Variants in DROSHA observed in about 807,000 individuals in gnomAD.
DROSHA encodes the protein drosha ribonuclease III.
In DROSHA, 56 loss-of-function variants were observed where a neutral mutation model predicts 181.9. The observed-to-expected ratio is 0.31, with a 90% confidence interval of 0.25 to 0.38. The LOEUF is 0.38. DROSHA is among the 10% of genes least tolerant of loss of function. The pLI, the probability that DROSHA is intolerant of heterozygous loss-of-function variation, is 1.00. For missense variants in DROSHA, 1,218 were observed against 1,743.5 expected, an observed-to-expected ratio of 0.70 and a Z score of 5.37; for synonymous variants, 524 against 591.2, an observed-to-expected ratio of 0.89 and a Z score of 1.65.
At chr5:31,410,672 G>T (rs552385535) in intron 31 of DROSHA, 74 bp downstream of exon 31, 1 of 1,506,632 alleles carries the variant, frequency 6.6e-7, no homozygotes, top group African/African-American at 1.4e-5. Flanking sequence ...ATAATAATGA[G>T]GAGGAGGACA....
intron 16 of DROSHA, among the ~76,000 whole-genome samples, chr5:31,478,124 C>T (rs961064714): frequency 6.6e-6 from 1 of 152,024 alleles, no homozygotes; most frequent in African/African-American, 2.4e-5. Context: ...CTGAAAAATG[C>T]GGAAAGTTAC....
intron 29 of DROSHA, among the ~76,000 whole-genome samples, 194 bp downstream of exon 29, chr5:31,422,593 C>A (rs1409939911): frequency 6.6e-6 from 1 of 152,204 alleles, no homozygotes; most frequent in Non-Finnish European, 1.5e-5. Flanking sequence ...AGATGCATGA[C>A]AATGGAACCA....
At chr5:31,528,682 T>G (rs2150065583) in intron 4 of DROSHA, among the ~76,000 whole-genome samples, 1 of 152,360 alleles carries the variant, frequency 6.6e-6, no homozygotes, top group African/African-American at 2.4e-5. Context: ...CCACTGTCAC[T>G]GACCCTAGGG....
Position 31,464,280 on chromosome 5 carries a change from T to C in DROSHA, c.2530A>G (p.Ser844Gly). 1 of 1,613,526 alleles carries C rather than the reference T, an allele frequency of 6.2e-7. No individual in the cohort carries two copies. Among genetic ancestry groups the C allele is most frequent in the Non-Finnish European group, 8.5e-7 (1 of 1,179,676 alleles). Reference sequence around the variant, plus strand: ...ATGCCAGTTTTCCAGAATCCTTGGCTACTTAGCTCCACCGTTACTTCTCGT... The same window carrying C: ...ATGCCAGTTTTCCAGAATCCTTGGCCACTTAGCTCCACCGTTACTTCTCGT... ...MRREVTVELS[S>G]QGFWKTGIRS... Residue 844 changes from serine (S) to glycine (G), a missense_variant, in exon 20 of 36, where the codon AGC becomes GGC. By Grantham distance (56) the Ser-to-Gly change is moderately conservative. Transcript: ENST00000344624.
chr5:31,426,636 G>A (rs1743504633), intron 27 of DROSHA, among the ~76,000 whole-genome samples: 1 of 152,016 alleles, frequency 6.6e-6, no homozygotes, highest in East Asian at 1.9e-4. Flanking sequence ...CAAATAATAA[G>A]TCTTAAAGTA....
At chr5:31,515,710 G>A in intron 6 of DROSHA, 146 bp from the exon 7 acceptor site, 1 of 1,166,748 alleles carries the variant, frequency 8.6e-7, no homozygotes, top group Non-Finnish European at 1.2e-6. Context: ...GTCTCAATAT[G>A]GCCATAAATT....
At position 31,504,659 on chromosome 5, in the gene DROSHA, GT is replaced by G. The variant is rs1561266479; in HGVS notation, c.1588-25del. The G allele has an allele frequency of 2.5e-6, 4 of 1,612,634 alleles. No individual in the cohort carries two copies. The African/African-American group carries it at 5.3e-5, about 22-fold the overall frequency. On this transcript the variant is annotated intron_variant, in intron 10 of 35. Coordinates refer to ENST00000344624, the MANE Select transcript of DROSHA (RefSeq NM_001382508.1). ...ATCTGTCAGAAACACAATGTAATTC[GT>G]TTTTATTGGAGGGAAAAATCCACAC...
intron 20 of DROSHA, among the ~76,000 whole-genome samples, chr5:31,460,483 G>A (rs495601): frequency 0.7 from 105,770 of 151,908 alleles, 37,180 homozygotes; most frequent in African/African-American, 0.75. Flanking sequence ...CAGATTTAAC[G>A]CAATGGTTTC....
At chr5:31,435,279 T>TA (rs1744655442) in intron 25 of DROSHA, among the ~76,000 whole-genome samples, 2 of 152,206 alleles carry the variant, frequency 1.3e-5, no homozygotes, top group East Asian at 3.8e-4. Flanking sequence ...GCCTAAACCC[T>TA]AAATCTTAAT....
intron 30 of DROSHA, 116 bp downstream of exon 30, chr5:31,421,156 G>C: frequency 2.5e-6 from 2 of 792,444 alleles, no homozygotes; most frequent in Non-Finnish European, 4.1e-6. Flanking sequence ...CAAAGCCAAT[G>C]ATAAGCTAAA....
chr5:31,466,292 G>A lies in DROSHA; in HGVS notation c.2367-11C>T, dbSNP rs757330502. 4 of 1,612,546 alleles carry A rather than the reference G, an allele frequency of 2.5e-6. No homozygotes were observed. Among genetic ancestry groups the A allele is most frequent in the Middle Eastern group, 1.7e-4 (1 of 6,052 alleles). On this transcript the variant is annotated splice_polypyrimidine_tract_variant and intron_variant, in intron 18 of 35. Coordinates refer to ENST00000344624, the MANE Select transcript of DROSHA (RefSeq NM_001382508.1). The stretch of plus-strand genomic sequence containing the variant: ...CACAGTTTTTGGTACCTAAGGAAAA[G>A]GACAGGCAAACATCTCAGGTAAAGA...
intron 35 of DROSHA, among the ~76,000 whole-genome samples, chr5:31,404,773 G>A (rs1335476449): frequency 6.6e-6 from 1 of 151,912 alleles, no homozygotes; most frequent in Non-Finnish European, 1.5e-5. Context: ...GAACTAAAAA[G>A]CACCAATATA....
chr5:31,491,709 AT>A (rs869239207), intron 13 of DROSHA, among the ~76,000 whole-genome samples: 3 of 151,014 alleles, frequency 2.0e-5, no homozygotes. Flanking sequence ...AAAAAAAAAA[AT>A]GCAAAGAAAT....
intron 16 of DROSHA, among the ~76,000 whole-genome samples, chr5:31,476,279 C>T (rs1250035812): frequency 1.3e-5 from 2 of 152,124 alleles, no homozygotes; most frequent in Non-Finnish European, 2.9e-5. Flanking sequence ...GCAGGAGAAT[C>T]GCTTGAATCT....
chr5:31,434,872 A>G lies in DROSHA; in HGVS notation c.3042+893T>C, dbSNP rs1744597550. On this transcript the variant is annotated intron_variant, in intron 25 of 35. Transcript: ENST00000344624. ...TAAAAATGTAAGGATTTATCACAAGAACATGGGTAGCATCAATAAAAACAG... is the reference window on the plus strand; with the variant it reads ...TAAAAATGTAAGGATTTATCACAAGGACATGGGTAGCATCAATAAAAACAG... Among the ~76,000 whole-genome samples, 4 of 152,366 alleles carry G rather than the reference A, an allele frequency of 2.6e-5. No individual in the cohort carries two copies. In the South Asian group the frequency reaches 8.3e-4, roughly 32 times the overall value.
At position 31,401,139 on chromosome 5, in the gene DROSHA, A is replaced by G. The variant is rs1201769902; in HGVS notation, c.*293T>C. On this transcript the variant is annotated 3_prime_UTR_variant, in exon 36 of 36. Coordinates refer to ENST00000344624, the MANE Select transcript of DROSHA (RefSeq NM_001382508.1). ...GGACACAGATGGAAAAACAGGATCTATTCCACATAGAATATGCTTCTTGAA... is the reference window on the plus strand; with the variant it reads ...GGACACAGATGGAAAAACAGGATCTGTTCCACATAGAATATGCTTCTTGAA... The G allele has an allele frequency of 2.8e-6, 1 of 353,972 alleles. No homozygotes were observed. Among genetic ancestry groups the G allele is most frequent in the Non-Finnish European group, 5.4e-6 (1 of 184,534 alleles). The allele number at this position is 353,972 out of a possible 1,614,324, so 21.9% of individuals were successfully genotyped here. A position where few individuals can be genotyped will look rare whatever the true frequency, so the allele number is the denominator to read the frequency against.
intron 16 of DROSHA, among the ~76,000 whole-genome samples, chr5:31,480,000 T>G (rs2150033963): frequency 6.6e-6 from 1 of 151,810 alleles, no homozygotes; most frequent in African/African-American, 2.4e-5. Flanking sequence ...TTATTTTTTC[T>G]TTGTCAATTT....
At chr5:31,422,423 T>A (rs1742871391) in intron 29 of DROSHA, among the ~76,000 whole-genome samples, 4 of 152,204 alleles carry the variant, frequency 2.6e-5, no homozygotes, top group Non-Finnish European at 5.9e-5. Flanking sequence ...TGTTCACTCA[T>A]TTGCATTTCA....
intron 5 of DROSHA, 119 bp downstream of exon 5, chr5:31,525,960 C>T: frequency 9.8e-7 from 1 of 1,020,146 alleles, no homozygotes; most frequent in Non-Finnish European, 1.4e-6. Flanking sequence ...AAATGTGCTT[C>T]CTTTCCTTAC....
Sources: allele counts gnomAD v4.1 joint callset (sites outside exome capture counted in the v4.1 genomes callset), GRCh38; gene constraint gnomAD v4.1.1; transcripts MANE v1.5; gene names NCBI Gene and HGNC (gene_info 2026-07-23, HGNC 2026-07-21).